The following NXNL2 variants were observed in gnomAD, a reference collection of about 807,000 sequenced individuals.
NXNL2 encodes nucleoredoxin-like protein 2.
NXNL2 carries 7 observed loss-of-function variants against 11.1 expected under a neutral mutation model. The observed-to-expected ratio is 0.63, with a 90% CI of 0.36 to 1.18. The LOEUF (loss-of-function observed/expected upper bound fraction) is 1.18, where lower values mean the gene tolerates loss of function less well. NXNL2 is among the 50% of genes most tolerant of loss of function. The pLI is 0.02. For synonymous variants in NXNL2, 109 were observed against 101.8 expected, an observed-to-expected ratio of 1.07 and a Z score of -0.42; for missense variants, 233 against 217.7, an observed-to-expected ratio of 1.07 and a Z score of -0.44.
Position 88,558,170 on chromosome 9 carries a change from C to T in NXNL2, c.303-12917C>T, listed in dbSNP as rs779709089. 3.3e-5 allele frequency among the ~76,000 whole-genome samples: 5 copies of T among 152,112 alleles called. 1 individual carries two copies. The highest frequency in any genetic ancestry group is 4.1e-4 in the South Asian group (2 of 4,826). On this transcript the variant is annotated intron_variant, in intron 1 of 2. Transcript: ENST00000375855. The stretch of plus-strand genomic sequence containing the variant: ...GTCAGAGGGTTGGAACTTTCAGCTC[C>T]GATGGGACCTCCTGGGAGGGAAGAG...
intron 1 of NXNL2, among the ~76,000 whole-genome samples, chr9:88,553,805 C>T (rs2118467992): frequency 6.6e-6 from 1 of 152,214 alleles, no homozygotes; most frequent in Middle Eastern, 3.4e-3. Flanking sequence ...TAAACATTTG[C>T]AGTGATAAGG....
downstream of NXNL2, among the ~76,000 whole-genome samples, chr9:88,584,493 T>C (rs35122905): frequency 2.0e-5 from 3 of 152,174 alleles, no homozygotes; most frequent in Admixed American, 2.0e-4. Context: ...GAGAAATAAA[T>C]GTCTGTTGTT....
chr9:88,543,167 A>G (rs1180468256), intron 1 of NXNL2, among the ~76,000 whole-genome samples: 1 of 152,244 alleles, frequency 6.6e-6, no homozygotes, highest in Non-Finnish European at 1.5e-5. Context: ...AAATGAGGCT[A>G]AGAAACCTCT....
chr9:88,550,498 TACA>T (rs1829915675), intron 1 of NXNL2, among the ~76,000 whole-genome samples: 2 of 152,216 alleles, frequency 1.3e-5, no homozygotes, highest in African/African-American at 4.8e-5. Flanking sequence ...AGGCAGAGGT[TACA>T]TGCAAAGTAA....
chr9:88,581,540 C>T (rs1046034380), intron 1 of NXNL2, among the ~76,000 whole-genome samples: 8 of 152,008 alleles, frequency 5.3e-5, no homozygotes, highest in East Asian at 3.9e-4. Context: ...TAGGTTCAAG[C>T]GATTCTCCCG....
At chr9:88,572,399 T>C (rs1830284470) in intron 2 of NXNL2, among the ~76,000 whole-genome samples, 1 of 151,990 alleles carries the variant, frequency 6.6e-6, no homozygotes, top group Non-Finnish European at 1.5e-5. Flanking sequence ...AAATGGGCCA[T>C]GGGGGAGTAT....
downstream of NXNL2, chr9:88,575,895 T>A (rs539572156): frequency 2.6e-5 from 4 of 152,118 alleles, no homozygotes; most frequent in South Asian, 8.3e-4. Flanking sequence ...CCCACAAAAA[T>A]TAAAAATAAA....
intron 1 of NXNL2, among the ~76,000 whole-genome samples, chr9:88,568,757 T>C (rs1830215384): frequency 6.6e-6 from 1 of 152,222 alleles, no homozygotes; most frequent in Admixed American, 6.5e-5. Context: ...ATAAGCTAAA[T>C]GTCAGTATGT....
intron 1 of NXNL2, among the ~76,000 whole-genome samples, chr9:88,555,469 C>A (rs960116289): frequency 6.6e-6 from 1 of 152,060 alleles, no homozygotes; most frequent in East Asian, 1.9e-4. Flanking sequence ...ATATAATAAG[C>A]CATGAGGACA....
chr9:88,564,285 T>TTATCTATC (rs71507766), intron 1 of NXNL2, among the ~76,000 whole-genome samples: 5,753 of 140,164 alleles, frequency 0.041, 149 homozygotes, highest in Admixed American at 0.056. Context: ...TATCTATCTA[T>TTATCTATC]TATCTATCTA....
intron 1 of NXNL2, among the ~76,000 whole-genome samples, chr9:88,539,262 C>G (rs751733291): frequency 6.6e-6 from 1 of 152,192 alleles, no homozygotes; most frequent in Non-Finnish European, 1.5e-5. Flanking sequence ...CCTGACAGTG[C>G]TGGTCAAAGG....
chr9:88,581,075 T>C (rs1830403798), intron 1 of NXNL2, among the ~76,000 whole-genome samples: 1 of 152,214 alleles, frequency 6.6e-6, no homozygotes, highest in African/African-American at 2.4e-5. Flanking sequence ...CTGGTGAAGG[T>C]GCTGTGTGCA....
rs1830428041 is a variant in NXNL2 at position 88,583,162 on chromosome 9, TG to T, written n.552-835del. ...GCAGGCCCGACTGGGCTCATTCCCA[TG>T]GTGGTTTTGGGATTCTAAGCCTGTG... is the stretch of plus-strand genomic sequence containing the variant. On this transcript the variant is annotated intron_variant and non_coding_transcript_variant, in intron 1 of 1. Transcript: ENST00000478686. Among the ~76,000 whole-genome samples the T allele has an allele frequency of 2.0e-5, 3 of 152,284 alleles. No individual in the cohort carries two copies. In the South Asian group the frequency reaches 6.2e-4, roughly 32 times the overall value.
At chr9:88,567,163 G>C (rs992051668) in intron 1 of NXNL2, among the ~76,000 whole-genome samples, 3 of 151,880 alleles carry the variant, frequency 2.0e-5, no homozygotes, top group African/African-American at 7.3e-5. Context: ...TTCTCTGGGG[G>C]AGTCTTGCTC....
chr9:88,564,393 G>A (rs1830137917), intron 1 of NXNL2, among the ~76,000 whole-genome samples: 1 of 151,270 alleles, frequency 6.6e-6, no homozygotes, highest in African/African-American at 2.4e-5. Context: ...TACAATGTAT[G>A]TACATATCTA....
At chr9:88,551,821 T>C (rs545591846) in intron 1 of NXNL2, among the ~76,000 whole-genome samples, 39 of 152,214 alleles carry the variant, frequency 2.6e-4, no homozygotes, top group Admixed American at 4.6e-4. Flanking sequence ...TCTTATCTCC[T>C]ATCAGGAGGA....
chr9:88,541,543 G>A (rs1360728949), intron 1 of NXNL2, among the ~76,000 whole-genome samples: 2 of 152,206 alleles, frequency 1.3e-5, no homozygotes, highest in Non-Finnish European at 2.9e-5. Flanking sequence ...TTACAGGCGT[G>A]AGCCACTGTG....
intron 1 of NXNL2, among the ~76,000 whole-genome samples, chr9:88,539,970 A>G (rs1286259895): frequency 6.6e-5 from 10 of 151,958 alleles, no homozygotes; most frequent in Admixed American, 5.9e-4. Context: ...GGCGTGAGCC[A>G]CCGCACCTGG....
chr9:88,535,729 T>C lies in NXNL2; in HGVS notation c.295T>C (p.Tyr99His). The C allele has an allele frequency of 6.4e-7, 1 of 1,570,666 alleles. No homozygotes were observed. The highest frequency in any genetic ancestry group is 8.6e-7 in the Non-Finnish European group (1 of 1,164,732). ...AWLALPFHDPYRHELRKRYNV... is the reference protein window; with the variant it reads ...AWLALPFHDPHRHELRKRYNV... ...GCTGGCGCTGCCCTTCCACGACCCC[T>C]ACCGGCAGTGAGTGGGGGTCCTGGG... Residue 99 changes from tyrosine (Y) to histidine (H), a missense_variant, in exon 1 of 2, where the codon TAC (tyrosine) becomes CAC (histidine). Physicochemically the swap from Tyr to His is moderately conservative, Grantham distance 83. Transcript: ENST00000375854.
Sources: gnomAD v4.1 joint callset for allele counts (sites outside exome capture counted in the v4.1 genomes callset) on GRCh38, gnomAD v4.1.1 for gene constraint, MANE v1.5 for transcripts, NCBI Gene and HGNC (gene_info 2026-07-23, HGNC 2026-07-21) for gene names.